ASIC2: variants seen among roughly 807,000 people sequenced by gnomAD.
The protein encoded by ASIC2 is acid sensing ion channel subunit 2, also known as acid-sensing ion channel 2.
ASIC2 carries 25 observed loss-of-function variants against 57.3 expected under a neutral mutation model. That is an observed-to-expected ratio of 0.44 (90% CI 0.32 to 0.61). The LOEUF is 0.61. Among genes scored for constraint, ASIC2 ranks in the 20% least tolerant of loss-of-function variants. The pLI is 0.06. For missense variants in ASIC2, 641 were observed against 738.1 expected, an observed-to-expected ratio of 0.87 and a Z score of 1.52; for synonymous variants, 319 against 307.5, an observed-to-expected ratio of 1.04 and a Z score of -0.39.
intron 1 of ASIC2, among the ~76,000 whole-genome samples, chr17:33,489,033 A>C (rs1406630274): frequency 1.3e-5 from 2 of 152,128 alleles, no homozygotes; most frequent in African/African-American, 4.8e-5. Flanking sequence ...TCTGCCTTCA[A>C]AGTCCCTGCC....
intron 1 of ASIC2, among the ~76,000 whole-genome samples, chr17:33,282,289 G>T (rs150202652): frequency 6.6e-6 from 1 of 152,240 alleles, no homozygotes; most frequent in African/African-American, 2.4e-5. Flanking sequence ...AAAATCAAAG[G>T]CCGGCAAGGC....
At chr17:33,404,364 C>A (rs1910392768) in intron 1 of ASIC2, among the ~76,000 whole-genome samples, 1 of 152,142 alleles carries the variant, frequency 6.6e-6, no homozygotes, top group African/African-American at 2.4e-5. Context: ...AAAAAACAAA[C>A]AAACAAATGA....
At chr17:33,077,404 C>T (rs1027950903) in intron 3 of ASIC2, among the ~76,000 whole-genome samples, 3 of 152,148 alleles carry the variant, frequency 2.0e-5, no homozygotes, top group African/African-American at 7.2e-5. Flanking sequence ...TAGGCTTGTG[C>T]TAGCTGCTGC....
At chr17:33,794,724 G>A (rs902237398) in intron 1 of ASIC2, 1 of 152,060 alleles carries the variant, frequency 6.6e-6, no homozygotes, top group Admixed American at 6.5e-5. Flanking sequence ...AGACAAACAA[G>A]CCTTCTATCA....
intron 1 of ASIC2, among the ~76,000 whole-genome samples, chr17:33,978,391 G>C (rs774174700): frequency 6.6e-6 from 1 of 152,176 alleles, no homozygotes; most frequent in Non-Finnish European, 1.5e-5. Flanking sequence ...AGACTGCCCC[G>C]TCAAGATCCA....
At chr17:33,334,397 C>T (rs1021743373) in intron 1 of ASIC2, among the ~76,000 whole-genome samples, 2 of 152,186 alleles carry the variant, frequency 1.3e-5, no homozygotes, top group Non-Finnish European at 2.9e-5. Flanking sequence ...TTGTGTGACA[C>T]TGTTTGCCTC....
intron 1 of ASIC2, chr17:34,037,471 T>C (rs1424250070): frequency 2.5e-6 from 2 of 785,812 alleles, no homozygotes; most frequent in East Asian, 2.7e-5. Context: ...GATGCTGTCA[T>C]GCTCTATGGA....
chr17:33,337,894 C>T (rs1357589337), intron 1 of ASIC2, among the ~76,000 whole-genome samples: 2 of 150,252 alleles, frequency 1.3e-5, no homozygotes, highest in Non-Finnish European at 3.0e-5. Flanking sequence ...GGAAGTGTTC[C>T]TTCTGAGGTG....
intron 1 of ASIC2, among the ~76,000 whole-genome samples, chr17:33,144,572 C>A (rs886849542): frequency 4.6e-5 from 7 of 152,096 alleles, no homozygotes; most frequent in Admixed American, 2.0e-4. Context: ...GTGAGAGAGT[C>A]CTAATTTAAA....
chr17:33,571,601 G>T (rs1916446215), intron 1 of ASIC2, among the ~76,000 whole-genome samples: 1 of 152,222 alleles, frequency 6.6e-6, no homozygotes, highest in Admixed American at 6.5e-5. Flanking sequence ...ACACATAAAT[G>T]TGTGAAATGC....
intron 1 of ASIC2, among the ~76,000 whole-genome samples, chr17:33,606,948 A>G (rs1905246987): frequency 6.6e-6 from 1 of 152,046 alleles, no homozygotes; most frequent in South Asian, 2.1e-4. Context: ...CTGATTCTCC[A>G]CCAGTGTGGG....
At chr17:34,039,959 C>A in intron 1 of ASIC2, 1 of 1,181,522 alleles carries the variant, frequency 8.5e-7, no homozygotes, top group Non-Finnish European at 1.2e-6. Flanking sequence ...TCCGCTCTCC[C>A]CCTGGGCAGG....
At chr17:33,463,136 C>G (rs146985773) in intron 1 of ASIC2, among the ~76,000 whole-genome samples, 4 of 152,144 alleles carry the variant, frequency 2.6e-5, no homozygotes, top group African/African-American at 4.8e-5. Context: ...GATTGTGGAT[C>G]CTTTCTAATG....
Position 33,518,812 on chromosome 17 carries a change from G to T in ASIC2, c.556-406745C>A, listed in dbSNP as rs76345868. 1.5e-3 allele frequency among the ~76,000 whole-genome samples: 227 copies of T among 152,072 alleles called. 4 individuals carry two copies. The East Asian group carries it at 0.041, about 27-fold the overall frequency. On this transcript the variant is annotated intron_variant, in intron 1 of 9. Coordinates refer to the ASIC2 transcript ENST00000359872. The stretch of plus-strand genomic sequence containing the variant: ...ACTGATTTAATCCCACAGTGGCCCT[G>T]TGAGATAACTACTCTTTTTTTTTTT...
In ASIC2 at chr17:33,745,407, GAA is replaced by G. The variant is rs74267094; in HGVS notation, c.555+410569_555+410570del. Among the ~76,000 whole-genome samples the G allele has an allele frequency of 6.1e-3, 884 of 145,246 alleles. 7 individuals carry two copies. The highest frequency in any genetic ancestry group is 0.01 in the Non-Finnish European group (672 of 66,590). ...ATGGCTGAAAAACCCCAAATTTACT[GAA>G]AAAAAAAAATCAATTTACATATCCA... On this transcript the variant is annotated intron_variant, in intron 1 of 9. Transcript: ENST00000359872.
At chr17:33,422,220 T>C (rs956360457) in intron 1 of ASIC2, among the ~76,000 whole-genome samples, 5 of 152,216 alleles carry the variant, frequency 3.3e-5, no homozygotes, top group Non-Finnish European at 5.9e-5. Flanking sequence ...CCCATTTCCC[T>C]GTGAACTTCT....
chr17:33,427,464 C>T (rs761187423), intron 1 of ASIC2, among the ~76,000 whole-genome samples: 41 of 152,134 alleles, frequency 2.7e-4, no homozygotes, highest in African/African-American at 8.9e-4. Context: ...TTGCCTGCTT[C>T]GGAATCAAAT....
intron 1 of ASIC2, among the ~76,000 whole-genome samples, chr17:33,175,143 G>T (rs1418016589): frequency 1.3e-5 from 2 of 152,154 alleles, no homozygotes; most frequent in Admixed American, 1.3e-4. Flanking sequence ...TTATAAAATA[G>T]CTGACATAAA....
At chr17:33,506,424 A>G (rs1286202926) in intron 1 of ASIC2, among the ~76,000 whole-genome samples, 8 of 151,872 alleles carry the variant, frequency 5.3e-5, no homozygotes, top group Admixed American at 5.2e-4. Flanking sequence ...AAAAAAAAAA[A>G]AAAAACTAGA....
Sources: allele counts gnomAD v4.1 joint callset (sites outside exome capture counted in the v4.1 genomes callset), GRCh38; gene constraint gnomAD v4.1.1; transcripts MANE v1.5; gene names NCBI Gene and HGNC (gene_info 2026-07-23, HGNC 2026-07-21).